Variants in CADM2 observed in about 807,000 individuals in gnomAD.
The protein encoded by CADM2 is cell adhesion molecule 2, also known as immunoglobulin superfamily member 4D.
Under a neutral mutation model 49.8 loss-of-function variants are expected in CADM2, and 12 were observed. The ratio of observed to expected loss-of-function variants is 0.24; its 90% CI spans 0.15 to 0.39. The LOEUF (loss-of-function observed/expected upper bound fraction) is 0.39, where lower values mean the gene tolerates loss of function less well. Ranked by LOEUF, CADM2 falls within the 10% of genes least tolerant of loss-of-function variation. The pLI is 1.00. For synonymous variants in CADM2, 214 were observed against 175.4 expected (o/e 1.22, Z -1.74); for missense variants, 378 against 492.3 (o/e 0.77, Z 2.20).
rs184353088 is a variant in CADM2 at position 85,527,479 on chromosome 3, A to G, written c.62-199043A>G. ...CTCTATAAAATGGTAAATATTCAACATGCATTTCTGAATAAGTGAAATTCA... is the reference window on the plus strand; with the variant it reads ...CTCTATAAAATGGTAAATATTCAACGTGCATTTCTGAATAAGTGAAATTCA... On this transcript the variant is annotated intron_variant, in intron 1 of 9. Coordinates refer to ENST00000383699, the MANE Select transcript of CADM2 (RefSeq NM_001167675.2). 2.0e-5 allele frequency among the ~76,000 whole-genome samples: 3 copies of G among 150,792 alleles called. No individual in the cohort carries two copies. In the South Asian group the frequency reaches 6.3e-4, roughly 32 times the overall value.
chr3:85,403,343 C>T (rs978384612), intron 1 of CADM2, among the ~76,000 whole-genome samples: 2 of 152,124 alleles, frequency 1.3e-5, no homozygotes, highest in Non-Finnish European at 2.9e-5. Context: ...GGCATCCTCA[C>T]ATGTTAGTGT....
intron 1 of CADM2, among the ~76,000 whole-genome samples, chr3:85,014,892 A>G (rs1303135266): frequency 6.6e-6 from 1 of 152,132 alleles, no homozygotes; most frequent in Non-Finnish European, 1.5e-5. Context: ...TAGCTTTGGA[A>G]ACTATTGGGA....
chr3:85,427,873 G>A (rs548074741), intron 1 of CADM2, among the ~76,000 whole-genome samples: 54 of 152,038 alleles, frequency 3.6e-4, no homozygotes, highest in African/African-American at 1.2e-3. Context: ...GTCCTTATAC[G>A]TGAAACATGG....
At chr3:85,866,691 A>G in intron 3 of CADM2, among the ~76,000 whole-genome samples, 1 of 152,154 alleles carries the variant, frequency 6.6e-6, no homozygotes, top group Non-Finnish European at 1.5e-5. Context: ...TGAAAAAAAT[A>G]TATATTATAA....
intron 1 of CADM2, among the ~76,000 whole-genome samples, chr3:85,135,371 G>A (rs1246824075): frequency 1.3e-5 from 2 of 151,870 alleles, no homozygotes; most frequent in African/African-American, 4.8e-5. Context: ...ATATAATTAT[G>A]CTGTTATATA....
At chr3:85,595,828 A>G (rs181436146) in intron 1 of CADM2, among the ~76,000 whole-genome samples, 60 of 152,122 alleles carry the variant, frequency 3.9e-4, no homozygotes, top group Admixed American at 3.9e-3. Flanking sequence ...ACGAGATTTT[A>G]AAGTGTTACA....
chr3:85,311,839 G>T (rs1370044032), intron 1 of CADM2, among the ~76,000 whole-genome samples: 3 of 152,104 alleles, frequency 2.0e-5, no homozygotes, highest in South Asian at 4.1e-4. Context: ...GAGTCTAAAT[G>T]GTTTTTACAG....
At chr3:85,704,188 A>G (rs2066867283) in intron 1 of CADM2, among the ~76,000 whole-genome samples, 1 of 152,196 alleles carries the variant, frequency 6.6e-6, no homozygotes, top group Non-Finnish European at 1.5e-5. Flanking sequence ...CAACATCCTT[A>G]GTGCCTACTA....
intron 2 of CADM2, among the ~76,000 whole-genome samples, chr3:85,770,032 T>G (rs2069995206): frequency 6.6e-6 from 1 of 152,002 alleles, no homozygotes; most frequent in South Asian, 2.1e-4. Context: ...CCTCTTTCAA[T>G]AAGATATAGA....
intron 1 of CADM2, among the ~76,000 whole-genome samples, chr3:85,584,052 T>C (rs1342907012): frequency 1.3e-5 from 2 of 152,092 alleles, no homozygotes; most frequent in Admixed American, 1.3e-4. Flanking sequence ...TTTGTCATAT[T>C]GTTAAAATTA....
chr3:85,281,351 A>G (rs75941454), intron 1 of CADM2, among the ~76,000 whole-genome samples: 6 of 151,886 alleles, frequency 4.0e-5, no homozygotes, highest in Admixed American at 3.3e-4. Flanking sequence ...TGTTATTTTA[A>G]ATTTTGGGCA....
At chr3:84,989,925 A>T (rs898239112) in intron 1 of CADM2, among the ~76,000 whole-genome samples, 11 of 151,982 alleles carry the variant, frequency 7.2e-5, no homozygotes, top group African/African-American at 2.7e-4. Context: ...CAGTAAAAGA[A>T]AAAAGTTATT....
intron 1 of CADM2, among the ~76,000 whole-genome samples, chr3:85,671,487 A>G (rs549138217): frequency 1.1e-4 from 16 of 152,298 alleles, no homozygotes; most frequent in African/African-American, 3.6e-4. Context: ...TTTTAAATAT[A>G]TACATGGTGA....
chr3:85,353,272 A>G (rs1202731848), intron 1 of CADM2, among the ~76,000 whole-genome samples: 2 of 152,082 alleles, frequency 1.3e-5, no homozygotes, highest in African/African-American at 4.8e-5. Flanking sequence ...CCATTCTATT[A>G]GAGCACTTCA....
At chr3:86,011,799 A>T (rs1213936184) in intron 8 of CADM2, among the ~76,000 whole-genome samples, 1 of 152,184 alleles carries the variant, frequency 6.6e-6, no homozygotes, top group African/African-American at 2.4e-5. Flanking sequence ...AGTAAGGTGG[A>T]AACGTACGAA....
At chr3:85,664,564 C>A (rs1465767374) in intron 1 of CADM2, among the ~76,000 whole-genome samples, 4 of 151,970 alleles carry the variant, frequency 2.6e-5, no homozygotes, top group Non-Finnish European at 5.9e-5. Flanking sequence ...CTTTCCCATG[C>A]AACTAACCTG....
At position 85,040,093 on chromosome 3, in the gene CADM2, C is replaced by A. The variant is rs531394232; in HGVS notation, c.61+80425C>A. Among the ~76,000 whole-genome samples the A allele has an allele frequency of 5.9e-5, 9 of 152,018 alleles. No individual in the cohort carries two copies. The East Asian group carries it at 1.5e-3, about 26-fold the overall frequency. On this transcript the variant is annotated intron_variant, in intron 1 of 9. Transcript: ENST00000383699. ...ACAAATATTGAGTATTCTGAGCCTA[C>A]TAATAAACCTAAAAGGAAGAGAACA...
rs549587260 is a variant in CADM2, at chr3:85,426,260, G to A, written c.62-300262G>A. 3.3e-5 allele frequency among the ~76,000 whole-genome samples: 5 copies of A among 151,606 alleles called. No homozygotes were observed. In the South Asian group the frequency reaches 1.0e-3, roughly 32 times the overall value. Reference sequence around the variant, plus strand: ...AGGCTCAAGCAATCTCCCTGCCTCAGCCTCCCATGTAGCCGAGAACACAGA... The same window carrying A: ...AGGCTCAAGCAATCTCCCTGCCTCAACCTCCCATGTAGCCGAGAACACAGA... On this transcript the variant is annotated intron_variant, in intron 1 of 9. Transcript: ENST00000383699.
chr3:85,527,277 TC>T (rs2061182501), intron 1 of CADM2, among the ~76,000 whole-genome samples: 1 of 151,428 alleles, frequency 6.6e-6, no homozygotes, highest in African/African-American at 2.4e-5. Context: ...TTCCATCTAC[TC>T]AGGATGCCAA....
Sources: gnomAD v4.1 joint callset for allele counts (sites outside exome capture counted in the v4.1 genomes callset) on GRCh38, gnomAD v4.1.1 for gene constraint, MANE v1.5 for transcripts, NCBI Gene and HGNC (gene_info 2026-07-23, HGNC 2026-07-21) for gene names.